SEZ6L2: variants seen among roughly 807,000 people sequenced by gnomAD.
The protein encoded by SEZ6L2 is seizure related 6 homolog like 2, also known as seizure 6-like protein 2.
In SEZ6L2, 44 loss-of-function variants were observed where a neutral mutation model predicts 97.0. The ratio of observed to expected loss-of-function variants is 0.45; its 90% CI spans 0.36 to 0.58. The LOEUF (loss-of-function observed/expected upper bound fraction) is 0.58. Ranked by LOEUF, SEZ6L2 falls within the 20% of genes least tolerant of loss-of-function variation. The probability of loss-of-function intolerance (pLI) is 0.00; values close to 1 mark genes in which losing one functional copy is unlikely to be tolerated. For missense variants in SEZ6L2, 1,086 were observed against 1,233.3 expected, an observed-to-expected ratio of 0.88 and a Z score of 1.79; for synonymous variants, 543 against 546.1, an observed-to-expected ratio of 0.99 and a Z score of 0.08.
In SEZ6L2 at chr16:29,897,111, C is replaced by T. The variant is rs76265673; in HGVS notation, c.222G>A (p.Arg74=). The T allele has an allele frequency of 1.4e-3, 2,132 of 1,570,988 alleles. 33 individuals are homozygous for T. The African/African-American group carries it at 0.025, about 19-fold the overall frequency. The part of the protein sequence containing the change: ...PEMGYLPGSD[R]DPTLATPPAG... ...CCGGAGGGGTGGCTAGCGTGGGGTC[C>T]CGATCAGATCCTGGGACAGTGCAGG... The change falls in exon 3 of 18, where the codon CGG becomes CGA. Residue 74 remains arginine, a synonymous_variant. Transcript: ENST00000617533.
At chr16:29,890,250 T>C (rs1375389421) in intron 5 of SEZ6L2, among the ~76,000 whole-genome samples, 1 of 152,144 alleles carries the variant, frequency 6.6e-6, no homozygotes, top group Non-Finnish European at 1.5e-5. Context: ...CTCACGCCTG[T>C]AATCCTGGCA....
At chr16:29,888,201 T>C (rs2068189067) in intron 6 of SEZ6L2, among the ~76,000 whole-genome samples, 3 of 151,924 alleles carry the variant, frequency 2.0e-5, no homozygotes, top group Admixed American at 2.0e-4. Flanking sequence ...AGTAAGAGGC[T>C]CTCTAGGATA....
Position 29,871,677 on chromosome 16 carries a change from C to G in SEZ6L2, c.*22G>C. 1 of 1,605,818 alleles carries G rather than the reference C, an allele frequency of 6.2e-7. No individual in the cohort carries two copies. The highest frequency in any genetic ancestry group is 8.5e-7 in the Non-Finnish European group (1 of 1,176,144). On this transcript the variant is annotated 3_prime_UTR_variant, in exon 18 of 18. Transcript: ENST00000617533. ...TGAGGAGGGGAGGGGCGTCCTGGGTCCTGCAGCTGTAGTCTTGGGGTTCAG... is the reference window on the plus strand; with the variant it reads ...TGAGGAGGGGAGGGGCGTCCTGGGTGCTGCAGCTGTAGTCTTGGGGTTCAG...
intron 2 of SEZ6L2, 98 bp from the exon 3 acceptor site, chr16:29,897,219 C>T (rs1402631614): frequency 1.9e-6 from 2 of 1,076,622 alleles, no homozygotes; most frequent in African/African-American, 1.6e-5. Context: ...CCCTGCCATA[C>T]CACAAAAGCC....
In SEZ6L2 at chr16:29,895,386, G is replaced by C. The variant is rs768103670; in HGVS notation, c.726C>G (p.Pro242=). 13 of 1,614,110 alleles carry C rather than the reference G, an allele frequency of 8.1e-6. No individual in the cohort carries two copies. The East Asian group carries it at 2.9e-4, about 36-fold the overall frequency. ...GCATGGATGAGTTGGCCAGGAGTCG[G>C]GGGGCCAGGCCTGGGGATCCCCCAC... is the stretch of plus-strand genomic sequence containing the variant. ...LAGGGSPGLA[P]RLLANSSMLG... is the part of the protein sequence containing the mutation. The change falls in exon 5 of 18, where the codon CCC becomes CCG. Residue 242 remains proline (P), a synonymous_variant. Coordinates refer to ENST00000617533, the MANE Select transcript of SEZ6L2 (RefSeq NM_001243332.2).
intron 16 of SEZ6L2, 60 bp downstream of exon 16, chr16:29,872,349 T>C (rs2067801641): frequency 6.2e-7 from 1 of 1,601,072 alleles, no homozygotes; most frequent in East Asian, 2.2e-5. Flanking sequence ...TGACCCAGGC[T>C]CCAGTGCCAG....
At position 29,872,254 on chromosome 16, in the gene SEZ6L2, G is replaced by A. The variant is rs535870828; in HGVS notation, c.2675C>T (p.Ser892Leu). 35 of 1,612,490 alleles carry A rather than the reference G, an allele frequency of 2.2e-5. No homozygotes were observed. Among genetic ancestry groups the A allele is most frequent in the Middle Eastern group, 1.7e-4 (1 of 6,054 alleles). ...KLQGKSLFGF[S>L]GSHSYSPITV... ...GATGGGGCTGTAGGAGTGGGAGCCCGAGAAGCCGAAAAGGGACTTTCCCTG... is the reference window on the plus strand; with the variant it reads ...GATGGGGCTGTAGGAGTGGGAGCCCAAGAAGCCGAAAAGGGACTTTCCCTG... The change falls in exon 17 of 18, where the codon TCG becomes TTG. Residue 892 changes from serine (S) to leucine (L), a missense_variant. Physicochemically the swap from Ser to Leu is moderately radical, Grantham distance 145. This residue lies in a region of SEZ6L2 where 310 missense variants were observed against 438.6 expected (regional missense o/e 0.71). Coordinates refer to ENST00000617533, the MANE Select transcript of SEZ6L2 (RefSeq NM_001243332.2).
At chr16:29,893,995 C>T (rs2068327143) in intron 5 of SEZ6L2, among the ~76,000 whole-genome samples, 1 of 152,186 alleles carries the variant, frequency 6.6e-6, no homozygotes, top group Admixed American at 6.5e-5. Context: ...CTCAGCCTCC[C>T]AAGTAACTGG....
chr16:29,872,720 T>C lies in SEZ6L2; in HGVS notation c.2512A>G (p.Asn838Asp), dbSNP rs549935592. The change falls in exon 15 of 18, where the codon AAC becomes GAC. Residue 838 changes from asparagine (N) to aspartate (D), a missense_variant. Transcript: ENST00000617533. The stretch of plus-strand genomic sequence containing the variant: ...TCTCACTGACCTTCCAGTTTTCGGT[T>C]GTCCAGGAGCTCCTCATAGGCAACT... ...CKVAYEELLD[N>D]RKLEVTQTTD... 6 of 1,612,562 alleles carry C rather than the reference T, an allele frequency of 3.7e-6. No individual in the cohort carries two copies. The East Asian group carries it at 1.1e-4, about 30-fold the overall frequency.
chr16:29,885,723 G>C lies in SEZ6L2; in HGVS notation c.1235C>G (p.Pro412Arg). 1.2e-6 allele frequency: 2 copies of C among 1,612,976 alleles called. No homozygotes were observed. Among genetic ancestry groups the C allele is most frequent in the Non-Finnish European group, 1.7e-6 (2 of 1,179,344 alleles). Residue 412 changes from proline to arginine, a missense_variant, in exon 8 of 18, where the codon CCC becomes CGC. Coordinates refer to ENST00000617533, the MANE Select transcript of SEZ6L2 (RefSeq NM_001243332.2). ...CGAATCATAGATCACGGGGGATAGGGGGCTGCCCCCTGAGCGCACCATCAG... is the reference window on the plus strand; with the variant it reads ...CGAATCATAGATCACGGGGGATAGGCGGCTGCCCCCTGAGCGCACCATCAG... ...DRLMVRSGGSPLSPVIYDSDM... is the reference protein window; with the variant it reads ...DRLMVRSGGSRLSPVIYDSDM...
intron 5 of SEZ6L2, among the ~76,000 whole-genome samples, chr16:29,888,978 G>A (rs2150805289): frequency 6.6e-6 from 1 of 152,134 alleles, no homozygotes; most frequent in Admixed American, 6.6e-5. Flanking sequence ...TATAGATGAG[G>A]TATCTGAGGT....
At chr16:29,889,614 CTTTTTT>C (rs869108927) in intron 5 of SEZ6L2, among the ~76,000 whole-genome samples, 9 of 70,564 alleles carry the variant, frequency 1.3e-4, no homozygotes, top group East Asian at 9.2e-4. Context: ...CTTGAAACTT[CTTTTTT>C]TTTTTTTTTT....
intron 5 of SEZ6L2, among the ~76,000 whole-genome samples, chr16:29,891,948 T>C (rs946771301): frequency 2.0e-5 from 3 of 152,196 alleles, no homozygotes; most frequent in African/African-American, 7.2e-5. Context: ...AATTAATGAA[T>C]GACTGGGAGC....
chr16:29,880,527 A>T (rs2068009317), intron 8 of SEZ6L2, among the ~76,000 whole-genome samples: 1 of 151,802 alleles, frequency 6.6e-6, no homozygotes, highest in African/African-American at 2.4e-5. Context: ...CTCCAGGTTG[A>T]TCAGGCTGGT....
intron 8 of SEZ6L2, among the ~76,000 whole-genome samples, chr16:29,884,090 C>A (rs901061261): frequency 1.3e-5 from 2 of 152,064 alleles, no homozygotes; most frequent in Non-Finnish European, 2.9e-5. Context: ...AGGCCTTCCC[C>A]ACTCCCAGTC....
chr16:29,894,235 G>A (rs2068331857), intron 5 of SEZ6L2, among the ~76,000 whole-genome samples: 1 of 152,182 alleles, frequency 6.6e-6, no homozygotes, highest in East Asian at 1.9e-4. Context: ...ACTAAGTATT[G>A]TGATCCCTAT....
At position 29,888,120 on chromosome 16, in the gene SEZ6L2, A is replaced by G. The variant is rs115911917; in HGVS notation, c.1040-303T>C. On this transcript the variant is annotated intron_variant, in intron 6 of 17. Coordinates refer to ENST00000617533, the MANE Select transcript of SEZ6L2 (RefSeq NM_001243332.2). Reference sequence around the variant, plus strand: ...ATGGGGAGTTACAAGGATCCCTAAAATTCAAAGCCTCAGCTGGGAAATCTT... The same window carrying G: ...ATGGGGAGTTACAAGGATCCCTAAAGTTCAAAGCCTCAGCTGGGAAATCTT... Among the ~76,000 whole-genome samples the G allele has an allele frequency of 2.5e-3, 375 of 152,234 alleles. 2 individuals are homozygous for G. The highest frequency in any genetic ancestry group is 8.8e-3 in the African/African-American group (365 of 41,552).
chr16:29,897,638 C>G (rs1052567284), intron 2 of SEZ6L2, among the ~76,000 whole-genome samples: 1 of 151,960 alleles, frequency 6.6e-6, no homozygotes, highest in Admixed American at 6.6e-5. Context: ...TGACTGTCAC[C>G]TAATCATTCT....
chr16:29,896,525 C>T (rs1005750310), intron 3 of SEZ6L2, among the ~76,000 whole-genome samples: 4 of 152,038 alleles, frequency 2.6e-5, no homozygotes, highest in East Asian at 1.9e-4. Context: ...GTGATCTGCC[C>T]GCCTGGCCTC....
Sources: gnomAD v4.1 joint callset for allele counts (sites outside exome capture counted in the v4.1 genomes callset) on GRCh38, gnomAD v4.1.1 for gene constraint, gnomAD v4.1.1 regional missense constraint, MANE v1.5 for transcripts, NCBI Gene and HGNC (gene_info 2026-07-23, HGNC 2026-07-21) for gene names.